The following RIT2 variants were observed in gnomAD, a reference collection of about 807,000 sequenced individuals.
The protein encoded by RIT2 is Ras like without CAAX 2, also known as GTP-binding protein Rit2.
In RIT2, 24 loss-of-function variants were observed where a neutral mutation model predicts 23.7. The observed-to-expected ratio is 1.01, with a 90% CI of 0.73 to 1.43. RIT2 has a LOEUF of 1.43. Ranked by LOEUF, RIT2 falls within the 40% of genes most tolerant of loss-of-function variation. The pLI, the probability that RIT2 is intolerant of heterozygous loss-of-function variation, is 0.00. For synonymous variants in RIT2, 107 were observed against 91.1 expected (o/e 1.17, Z -0.99); for missense variants, 236 against 266.9 (o/e 0.88, Z 0.81).
At chr18:43,111,392 G>T (rs1913949594) in intron 1 of RIT2, among the ~76,000 whole-genome samples, 1 of 151,652 alleles carries the variant, frequency 6.6e-6, no homozygotes. Context: ...AGCACAACAG[G>T]GTCATTATCA....
At chr18:43,041,120 TA>T (rs1388553261) in intron 1 of RIT2, among the ~76,000 whole-genome samples, 1 of 152,118 alleles carries the variant, frequency 6.6e-6, no homozygotes, top group Non-Finnish European at 1.5e-5. Flanking sequence ...GTGGTCATCA[TA>T]AAAATATCTG....
chr18:42,855,637 C>T (rs763869983), intron 4 of RIT2, among the ~76,000 whole-genome samples: 14 of 152,168 alleles, frequency 9.2e-5, no homozygotes, highest in Admixed American at 8.5e-4. Context: ...CCTCAGATTA[C>T]TTAGCTATAT....
chr18:42,939,667 G>A (rs895934266), intron 3 of RIT2, among the ~76,000 whole-genome samples: 2 of 151,420 alleles, frequency 1.3e-5, no homozygotes, highest in African/African-American at 4.9e-5. Flanking sequence ...TGCCTATAAA[G>A]TTTTTTTGCA....
At chr18:42,799,307 G>A (rs960121899) in intron 4 of RIT2, among the ~76,000 whole-genome samples, 7 of 152,154 alleles carry the variant, frequency 4.6e-5, no homozygotes, top group Non-Finnish European at 8.8e-5. Flanking sequence ...ATGGGCTTTA[G>A]AAATAATCTA....
At chr18:43,020,400 C>G (rs1309376240) in intron 2 of RIT2, among the ~76,000 whole-genome samples, 2 of 151,942 alleles carry the variant, frequency 1.3e-5, no homozygotes, top group Non-Finnish European at 2.9e-5. Flanking sequence ...GCATGAGAAT[C>G]ACTTGAACCT....
At chr18:42,765,400 C>T (rs780231589) in intron 4 of RIT2, among the ~76,000 whole-genome samples, 8 of 152,298 alleles carry the variant, frequency 5.3e-5, no homozygotes, top group Non-Finnish European at 1.0e-4. Flanking sequence ...TTTACTGTCT[C>T]CACAGGTATT....
chr18:42,886,033 C>T (rs991008881), intron 4 of RIT2, among the ~76,000 whole-genome samples: 5 of 152,072 alleles, frequency 3.3e-5, no homozygotes, highest in African/African-American at 1.2e-4. Context: ...AATTCAGCAA[C>T]CTTTATTTTC....
At chr18:43,088,491 A>T (rs76843198) in intron 1 of RIT2, among the ~76,000 whole-genome samples, 3,272 of 152,250 alleles carry the variant, frequency 0.021, 51 homozygotes, top group Admixed American at 0.044. Flanking sequence ...TCCTCACAGT[A>T]AAAAAACTGG....
chr18:42,948,077 A>G (rs988126617), intron 3 of RIT2, among the ~76,000 whole-genome samples: 4 of 152,116 alleles, frequency 2.6e-5, no homozygotes, highest in Admixed American at 6.6e-5. Context: ...CTGTTTCAGT[A>G]TGATACACCA....
At chr18:42,915,881 G>A (rs1011547474) in intron 4 of RIT2, among the ~76,000 whole-genome samples, 2 of 151,412 alleles carry the variant, frequency 1.3e-5, no homozygotes, top group Non-Finnish European at 2.9e-5. Context: ...TTGTATATAT[G>A]TGCATATATA....
In RIT2 at chr18:42,855,914, T is replaced by A. The variant is rs16977064; in HGVS notation, c.426+67658A>T. Among the ~76,000 whole-genome samples, 382 of 152,246 alleles carry A rather than the reference T, an allele frequency of 2.5e-3. 3 individuals carry two copies. Among genetic ancestry groups the A allele is most frequent in the African/African-American group, 8.6e-3 (358 of 41,554 alleles). ...ATTAGTGAAATTTTAGTATTTTTTT[T>A]AAGAGGCACTATGTCTGTTCTGTCT... On this transcript the variant is annotated intron_variant, in intron 4 of 4. Coordinates refer to ENST00000326695, the MANE Select transcript of RIT2 (RefSeq NM_002930.4).
chr18:43,031,143 C>T (rs534703622), intron 2 of RIT2, among the ~76,000 whole-genome samples: 112 of 151,862 alleles, frequency 7.4e-4, no homozygotes, highest in Non-Finnish European at 1.4e-3. Flanking sequence ...TGTCTTGTCT[C>T]GGTGCCTATA....
At chr18:43,064,445 A>G (rs532653102) in intron 1 of RIT2, among the ~76,000 whole-genome samples, 1 of 152,276 alleles carries the variant, frequency 6.6e-6, no homozygotes, top group East Asian at 1.9e-4. Context: ...TTTACATCCT[A>G]TTACTAAGCA....
At chr18:42,783,067 G>A (rs1913847962) in intron 4 of RIT2, among the ~76,000 whole-genome samples, 1 of 152,098 alleles carries the variant, frequency 6.6e-6, no homozygotes, top group African/African-American at 2.4e-5. Flanking sequence ...GATAGATGCT[G>A]CGTTTAAAAT....
intron 4 of RIT2, among the ~76,000 whole-genome samples, chr18:42,919,410 TA>T (rs1908996854): frequency 6.6e-6 from 1 of 152,070 alleles, no homozygotes; most frequent in South Asian, 2.1e-4. Context: ...ATCTTCAGGA[TA>T]TCTTCAGGAT....
At chr18:43,012,876 A>G (rs1038815988) in intron 2 of RIT2, among the ~76,000 whole-genome samples, 4 of 151,744 alleles carry the variant, frequency 2.6e-5, no homozygotes, top group African/African-American at 7.3e-5. Context: ...AATTTGGGGG[A>G]AAAATCCATC....
intron 3 of RIT2, among the ~76,000 whole-genome samples, chr18:42,947,214 T>C (rs899600440): frequency 7.2e-5 from 11 of 152,098 alleles, no homozygotes; most frequent in Non-Finnish European, 1.6e-4. Flanking sequence ...GAGAAGGATG[T>C]TGGAAATTGA....
intron 3 of RIT2, among the ~76,000 whole-genome samples, chr18:42,947,655 G>C (rs1909758001): frequency 6.6e-6 from 1 of 152,044 alleles, no homozygotes; most frequent in Non-Finnish European, 1.5e-5. Context: ...CCATGAATCA[G>C]CAACACTGCT....
At chr18:43,044,263 C>T (rs543091942) in intron 1 of RIT2, among the ~76,000 whole-genome samples, 10 of 152,186 alleles carry the variant, frequency 6.6e-5, no homozygotes, top group Admixed American at 5.2e-4. Context: ...AGAGGTATCC[C>T]GATCCCACTT....
Sources: gnomAD v4.1 joint callset for allele counts (sites outside exome capture counted in the v4.1 genomes callset) on GRCh38, gnomAD v4.1.1 for gene constraint, MANE v1.5 for transcripts, NCBI Gene and HGNC (gene_info 2026-07-23, HGNC 2026-07-21) for gene names.